The following ADAM17 variants were observed in gnomAD, a reference collection of about 807,000 sequenced individuals.
The protein encoded by ADAM17 is ADAM metallopeptidase domain 17.
In ADAM17, 39 loss-of-function variants were observed where a neutral mutation model predicts 96.7. The ratio of observed to expected loss-of-function variants is 0.40; its 90% CI spans 0.31 to 0.53. The LOEUF (loss-of-function observed/expected upper bound fraction) is 0.53. Among genes scored for constraint, ADAM17 ranks in the 20% least tolerant of loss-of-function variants. The pLI is 0.44. For missense variants in ADAM17, 777 were observed against 1,013.2 expected, an observed-to-expected ratio of 0.77 and a Z score of 3.17; for synonymous variants, 344 against 359.2, an observed-to-expected ratio of 0.96 and a Z score of 0.48.
intron 10 of ADAM17, 109 bp downstream of exon 10, chr2:9,517,792 A>T: frequency 1.5e-6 from 1 of 649,236 alleles, no homozygotes; most frequent in East Asian, 3.5e-5. Flanking sequence ...GCAGAAATTT[A>T]AAAAACAGTA....
intron 7 of ADAM17, chr2:9,521,754 A>T (rs1400739349): frequency 6.6e-6 from 1 of 151,324 alleles, no homozygotes; most frequent in Non-Finnish European, 1.5e-5. Context: ...CCTGCAAAGA[A>T]GAAAAAAAAA....
chr2:9,517,990 C>T lies in ADAM17; in HGVS notation c.1103-1G>A. ...TTCTTCCCAACTGGGCTATAATAAG[C>T]TAAAGTCAAAAGGAAACAGAGATAA... On this transcript the variant is annotated splice_acceptor_variant, in intron 9 of 18. Transcript: ENST00000310823. LOFTEE classifies it high-confidence loss of function. The T allele has an allele frequency of 6.3e-7, 1 of 1,593,742 alleles. No homozygotes were observed. The highest frequency in any genetic ancestry group is 8.5e-7 in the Non-Finnish European group (1 of 1,173,564).
intron 1 of ADAM17, among the ~76,000 whole-genome samples, chr2:9,552,413 A>G (rs1239576090): frequency 1.2e-4 from 18 of 152,228 alleles, no homozygotes; most frequent in Admixed American, 1.2e-3. Context: ...TCTCCCTTGG[A>G]GCAGTTAGGG....
In ADAM17 at chr2:9,531,634, G is replaced by A. The variant is rs535574461; in HGVS notation, c.451-3680C>T. Among the ~76,000 whole-genome samples the A allele has an allele frequency of 6.4e-4, 97 of 152,218 alleles. 1 individual carries two copies. The highest frequency in any genetic ancestry group is 2.2e-3 in the African/African-American group (91 of 41,522). ...GGAGAAATGCTTGAACCTGGGAGGC[G>A]GAGACTGCAGTGAGCCGAGATTGCG... is the stretch of plus-strand genomic sequence containing the variant. On this transcript the variant is annotated intron_variant, in intron 4 of 18. Transcript: ENST00000310823.
chr2:9,529,984 A>C (rs1271892389), intron 4 of ADAM17, among the ~76,000 whole-genome samples: 1 of 152,076 alleles, frequency 6.6e-6, no homozygotes, highest in Non-Finnish European at 1.5e-5. Context: ...ACACACACAC[A>C]CACACACAAA....
intron 10 of ADAM17, chr2:9,512,468 G>C (rs1032503185): frequency 6.6e-6 from 1 of 152,124 alleles, no homozygotes; most frequent in Admixed American, 6.5e-5. Context: ...CCCTGGTTAC[G>C]GTCTTCTGTT....
At chr2:9,490,720 T>C (rs1453035248) in intron 18 of ADAM17, among the ~76,000 whole-genome samples, 1 of 152,204 alleles carries the variant, frequency 6.6e-6, no homozygotes, top group East Asian at 1.9e-4. Context: ...TTACTTTTAA[T>C]GGCAAAAACA....
chr2:9,522,134 C>G (rs1664340543), intron 7 of ADAM17: 1 of 314,270 alleles, frequency 3.2e-6, no homozygotes, highest in Non-Finnish European at 5.7e-6. Context: ...CCCTGAAACT[C>G]AAACATGATG....
At position 9,503,502 on chromosome 2, in the gene ADAM17, G is replaced by A. The variant is rs140325145; in HGVS notation, c.1545-1226C>T. On this transcript the variant is annotated intron_variant, in intron 12 of 18. Coordinates refer to ENST00000310823, the MANE Select transcript of ADAM17 (RefSeq NM_003183.6). ...TAGGATGTAGCCATAAAAAAACCTT[G>A]TTAAATCTTATACCCTTGTTAAATC... 7.9e-5 allele frequency among the ~76,000 whole-genome samples: 12 copies of A among 152,262 alleles called. No homozygotes were observed. In the East Asian group the frequency reaches 2.3e-3, roughly 29 times the overall value.
At chr2:9,501,094 T>TC (rs1261047205) in intron 13 of ADAM17, among the ~76,000 whole-genome samples, 2 of 152,024 alleles carry the variant, frequency 1.3e-5, no homozygotes, top group African/African-American at 2.4e-5. Context: ...ACATAAGAAC[T>TC]CCTCCAAATT....
At chr2:9,523,116 T>A (rs1339410963) in intron 7 of ADAM17, 133 bp downstream of exon 7, 1 of 637,882 alleles carries the variant, frequency 1.6e-6, no homozygotes, top group East Asian at 2.8e-5. Context: ...CAATTCATCA[T>A]AAAAAATCAT....
chr2:9,536,274 CA>C (rs546589837), intron 3 of ADAM17, among the ~76,000 whole-genome samples: 80 of 152,224 alleles, frequency 5.3e-4, no homozygotes, highest in African/African-American at 1.7e-3. Flanking sequence ...ATTTCAATGA[CA>C]TTTTTTTTTC....
chr2:9,505,292 C>T lies in ADAM17; in HGVS notation c.1418G>A (p.Arg473His), dbSNP rs368697823. The T allele has an allele frequency of 8.1e-6, 13 of 1,613,950 alleles. No individual in the cohort carries two copies. Among genetic ancestry groups the T allele is most frequent in the Middle Eastern group, 1.6e-4 (1 of 6,084 alleles). ...ESKAQECFQE[R>H]SNKVCGNSRV... Reference sequence around the variant, plus strand: ...CGAGTTCCCACAAACTTTATTGCTGCGTTCTTGAAAACACTCCTGGGCCTT... The same window carrying T: ...CGAGTTCCCACAAACTTTATTGCTGTGTTCTTGAAAACACTCCTGGGCCTT... The change falls in exon 12 of 19, where the codon CGC becomes CAC. Residue 473 changes from arginine to histidine, a missense_variant. Transcript: ENST00000310823.
intron 2 of ADAM17, among the ~76,000 whole-genome samples, chr2:9,539,615 C>T (rs1196858605): frequency 2.0e-5 from 3 of 152,158 alleles, no homozygotes; most frequent in Admixed American, 6.5e-5. Flanking sequence ...TATCGAAAAA[C>T]GGAATCTTCT....
chr2:9,509,870 C>T, intron 11 of ADAM17, 109 bp downstream of exon 11: 1 of 1,396,634 alleles, frequency 7.2e-7, no homozygotes, highest in Non-Finnish European at 9.7e-7. Context: ...ATTTGCACAT[C>T]CATCCCTAGG....
intron 10 of ADAM17, among the ~76,000 whole-genome samples, chr2:9,514,672 G>C (rs1663964732): frequency 6.7e-6 from 1 of 149,976 alleles, no homozygotes; most frequent in Admixed American, 6.7e-5. Context: ...AGGAGATTGA[G>C]ACCATCCTGG....
At chr2:9,507,416 C>T (rs13029376) in intron 11 of ADAM17, among the ~76,000 whole-genome samples, 34,838 of 151,990 alleles carry the variant, frequency 0.23, 4,753 homozygotes, top group Middle Eastern at 0.32. Context: ...GCAGGAGAAT[C>T]GCTTGAACCT....
intron 17 of ADAM17, among the ~76,000 whole-genome samples, chr2:9,492,655 T>C (rs1224323839): frequency 6.6e-6 from 1 of 152,230 alleles, no homozygotes; most frequent in Admixed American, 6.5e-5. Flanking sequence ...TGCTTAAAAG[T>C]ATAAAATTCC....
At chr2:9,538,826 C>G (rs1285477000) in intron 2 of ADAM17, among the ~76,000 whole-genome samples, 1 of 151,996 alleles carries the variant, frequency 6.6e-6, no homozygotes, top group African/African-American at 2.4e-5. Context: ...ATTTCTTTAA[C>G]GTTTTATCTT....
Sources: gnomAD v4.1 joint callset for allele counts (sites outside exome capture counted in the v4.1 genomes callset) on GRCh38, gnomAD v4.1.1 for gene constraint, MANE v1.5 for transcripts, NCBI Gene and HGNC (gene_info 2026-07-23, HGNC 2026-07-21) for gene names.